CEP120: variants seen among roughly 807,000 people sequenced by gnomAD.
CEP120 encodes centrosomal protein 120.
A neutral mutation model predicts 126.5 loss-of-function variants in CEP120; 113 were observed. That is an observed-to-expected ratio of 0.89 (90% CI 0.77 to 1.04). The LOEUF (loss-of-function observed/expected upper bound fraction) is 1.04. Ranked by LOEUF, CEP120 falls within the 50% of genes least tolerant of loss-of-function variation. The pLI is 0.00. For synonymous variants in CEP120, 400 were observed against 394.3 expected (o/e 1.01, Z -0.17); for missense variants, 1,230 against 1,155.7 (o/e 1.06, Z -0.93).
At chr5:123,400,787 G>A (rs868682252) in intron 4 of CEP120, 27 of 669,254 alleles carry the variant, frequency 4.0e-5, no homozygotes, top group African/African-American at 9.1e-5. Context: ...AAACTCCCCC[G>A]CGGGTGGACT....
At chr5:123,400,781 TC>T (rs1773156537) in intron 4 of CEP120, 14 of 584,936 alleles carry the variant, frequency 2.4e-5, no homozygotes, top group Non-Finnish European at 2.8e-5. Flanking sequence ...GGCAGTAAAC[TC>T]CCCCGCGGGT....
chr5:123,408,342 A>G (rs958074161), intron 4 of CEP120, among the ~76,000 whole-genome samples: 1 of 152,062 alleles, frequency 6.6e-6, no homozygotes, highest in Admixed American at 6.5e-5. Context: ...GGTTCTCTGA[A>G]AAGATAAATA....
intron 6 of CEP120, among the ~76,000 whole-genome samples, chr5:123,392,302 A>G (rs1772458644): frequency 1.3e-5 from 2 of 152,222 alleles, no homozygotes; most frequent in African/African-American, 4.8e-5. Flanking sequence ...ACCATTTTAT[A>G]TAGTCTTCAG....
intron 16 of CEP120, among the ~76,000 whole-genome samples, chr5:123,376,895 C>T (rs1033065867): frequency 1.3e-5 from 2 of 151,980 alleles, no homozygotes; most frequent in African/African-American, 4.8e-5. Flanking sequence ...GACAAGCCTG[C>T]AAAAGAGCCT....
intron 5 of CEP120, among the ~76,000 whole-genome samples, chr5:123,396,029 G>A (rs1418839641): frequency 1.4e-5 from 2 of 142,688 alleles, no homozygotes; most frequent in South Asian, 2.2e-4. Flanking sequence ...TGGAGGTCTC[G>A]CTATGTTGCC....
chr5:123,351,476 T>C (rs747090599), intron 18 of CEP120, among the ~76,000 whole-genome samples: 25 of 152,158 alleles, frequency 1.6e-4, no homozygotes, highest in Admixed American at 1.4e-3. Context: ...ATTTTATACA[T>C]GTCTTTTGGA....
Position 123,422,702 on chromosome 5 carries a change from T to A in CEP120, c.49+248A>T, listed in dbSNP as rs964832690. 8 of 734,168 alleles carry A rather than the reference T, an allele frequency of 1.1e-5. No homozygotes were observed. The African/African-American group carries it at 1.4e-4, about 13-fold the overall frequency. 45.5% of individuals were successfully genotyped at this position (734,168 alleles called of 1,614,324 possible). A position where few individuals can be genotyped will look rare whatever the true frequency, so the allele number is the denominator to read the frequency against. ...GTGCTGCTTTGGATGAAAATCGTTT[T>A]CTCTAGATTCTCTGGGGCTACGGCT... On this transcript the variant is annotated intron_variant, in intron 1 of 19. Transcript: ENST00000306467.
intron 2 of CEP120, among the ~76,000 whole-genome samples, chr5:123,417,953 A>C (rs1424484390): frequency 6.6e-6 from 1 of 152,200 alleles, no homozygotes; most frequent in Non-Finnish European, 1.5e-5. Context: ...ATTTCCTGTC[A>C]CATTTAAAAA....
intron 18 of CEP120, among the ~76,000 whole-genome samples, chr5:123,362,389 G>T (rs1302018786): frequency 1.3e-5 from 2 of 151,644 alleles, no homozygotes; most frequent in Non-Finnish European, 3.0e-5. Flanking sequence ...AAGAGCCTGA[G>T]GCTGGATTCA....
intron 4 of CEP120, chr5:123,401,938 T>C (rs1773273169): frequency 2.6e-6 from 4 of 1,564,276 alleles, no homozygotes; most frequent in East Asian, 2.2e-5. Flanking sequence ...ATGTTGTCCA[T>C]GTTGCTCCCG....
Position 123,345,886 on chromosome 5 carries a change from A to G in CEP120, c.*633T>C, listed in dbSNP as rs1488726531. ...TATTAAGCTAATACTTCATGTTCTTAAAAGTTATAAATACACTGAAAATTT... is the reference window on the plus strand; with the variant it reads ...TATTAAGCTAATACTTCATGTTCTTGAAAGTTATAAATACACTGAAAATTT... On this transcript the variant is annotated 3_prime_UTR_variant, in exon 20 of 20. Coordinates refer to ENST00000306467, the MANE Select transcript of CEP120 (RefSeq NM_001375405.1). The G allele has an allele frequency of 6.6e-6, 1 of 152,190 alleles. No individual in the cohort carries two copies. The highest frequency in any genetic ancestry group is 6.6e-5 in the Admixed American group (1 of 15,264). The allele number at this position is 152,190 out of a possible 1,614,324, so 9.4% of individuals were successfully genotyped here.
At chr5:123,356,933 A>T (rs1191712863) in intron 18 of CEP120, among the ~76,000 whole-genome samples, 1 of 147,846 alleles carries the variant, frequency 6.8e-6, no homozygotes, top group African/African-American at 2.5e-5. Context: ...ATTTGGGATC[A>T]TTCTTCTTCT....
intron 4 of CEP120, among the ~76,000 whole-genome samples, chr5:123,407,216 A>T (rs187938594): frequency 2.6e-5 from 4 of 152,222 alleles, no homozygotes; most frequent in South Asian, 2.1e-4. Context: ...ATAAGAAACA[A>T]GAGAAACAAA....
At chr5:123,404,239 A>AG (rs1399965915) in intron 4 of CEP120, among the ~76,000 whole-genome samples, 2 of 152,168 alleles carry the variant, frequency 1.3e-5, no homozygotes, top group Non-Finnish European at 2.9e-5. Context: ...TTTTTCACTG[A>AG]GGGAAAAAAT....
At chr5:123,366,964 C>T (rs985928017) in intron 17 of CEP120, among the ~76,000 whole-genome samples, 2 of 151,740 alleles carry the variant, frequency 1.3e-5, no homozygotes, top group African/African-American at 4.8e-5. Context: ...AATTCTTTTT[C>T]CTCTGCTTAC....
intron 18 of CEP120, among the ~76,000 whole-genome samples, chr5:123,363,760 A>G (rs1260084804): frequency 6.6e-6 from 1 of 151,556 alleles, no homozygotes; most frequent in Non-Finnish European, 1.5e-5. Flanking sequence ...ATTAAGAAAA[A>G]TACAAACCTG....
intron 18 of CEP120, 70 bp downstream of exon 18, chr5:123,364,426 T>C: frequency 1.0e-6 from 1 of 965,098 alleles, no homozygotes. Context: ...TAACAGATAT[T>C]GCCAAACATA....
chr5:123,403,487 G>T (rs1773418257), intron 4 of CEP120: 1 of 342,678 alleles, frequency 2.9e-6, no homozygotes, highest in Non-Finnish European at 5.6e-6. Flanking sequence ...AGAGAAAACT[G>T]TAAATTCACA....
chr5:123,390,294 A>T (rs1462107212), intron 7 of CEP120, 154 bp from the exon 8 acceptor site: 1 of 706,318 alleles, frequency 1.4e-6, no homozygotes, highest in East Asian at 2.7e-5. Context: ...ATTTCCTTAT[A>T]GCATCTAGGA....
Sources: gnomAD v4.1 joint callset for allele counts (sites outside exome capture counted in the v4.1 genomes callset) on GRCh38, gnomAD v4.1.1 for gene constraint, MANE v1.5 for transcripts, NCBI Gene and HGNC (gene_info 2026-07-23, HGNC 2026-07-21) for gene names.